The following WWP2 variants were observed in gnomAD, a reference collection of about 807,000 sequenced individuals.
WWP2 encodes the protein NEDD4-like E3 ubiquitin-protein ligase WWP2.
In WWP2, 57 loss-of-function variants were observed where a neutral mutation model predicts 121.0. The observed-to-expected ratio is 0.47, with a 90% confidence interval of 0.38 to 0.59. The LOEUF (loss-of-function observed/expected upper bound fraction) is 0.59, where lower values mean the gene tolerates loss of function less well. Ranked by LOEUF, WWP2 falls within the 20% of genes least tolerant of loss-of-function variation. WWP2 has a pLI of 0.00. For missense variants in WWP2, 962 were observed against 1,158.9 expected (o/e 0.83, Z 2.47); for synonymous variants, 449 against 441.3 (o/e 1.02, Z -0.22).
chr16:69,882,226 G>A (rs916321789), intron 7 of WWP2, among the ~76,000 whole-genome samples: 2 of 152,222 alleles, frequency 1.3e-5, no homozygotes, highest in Non-Finnish European at 2.9e-5. Context: ...AAAGTGCTGG[G>A]ATTATAGGTG....
intron 4 of WWP2, among the ~76,000 whole-genome samples, chr16:69,811,542 G>A (rs1387437884): frequency 6.6e-6 from 1 of 151,788 alleles, no homozygotes; most frequent in South Asian, 2.1e-4. Context: ...GAGCCTAGGA[G>A]TTTGAGACCA....
intron 6 of WWP2, among the ~76,000 whole-genome samples, chr16:69,867,521 G>A (rs935696482): frequency 6.6e-6 from 1 of 152,150 alleles, no homozygotes; most frequent in Admixed American, 6.5e-5. Flanking sequence ...GTGTAGCTGA[G>A]GATGGAGGCC....
intron 6 of WWP2, among the ~76,000 whole-genome samples, chr16:69,843,074 G>A (rs186421070): frequency 1.7e-3 from 264 of 152,216 alleles, no homozygotes; most frequent in African/African-American, 6.1e-3. Context: ...TTGGATAAAA[G>A]GAACTGTTGA....
chr16:69,773,250 C>T (rs1597641311), intron 1 of WWP2, among the ~76,000 whole-genome samples: 1 of 151,996 alleles, frequency 6.6e-6, no homozygotes, highest in East Asian at 1.9e-4. Flanking sequence ...ACAATCTTGG[C>T]TCACTGCAAC....
chr16:69,815,030 C>T (rs574330774), intron 4 of WWP2, among the ~76,000 whole-genome samples: 3 of 152,086 alleles, frequency 2.0e-5, no homozygotes, highest in Admixed American at 6.6e-5. Flanking sequence ...GATGGAGTCT[C>T]ACTCCTCTGT....
At chr16:69,842,251 A>G in intron 6 of WWP2, 131 bp downstream of exon 6, 1 of 840,384 alleles carries the variant, frequency 1.2e-6, no homozygotes, top group Non-Finnish European at 1.9e-6. Flanking sequence ...TAACTGACTC[A>G]GTAGTTAAGA....
intron 7 of WWP2, among the ~76,000 whole-genome samples, chr16:69,876,364 T>C (rs1002400635): frequency 6.6e-6 from 1 of 151,760 alleles, no homozygotes. Flanking sequence ...GTTTTTTTTT[T>C]TTTTCGTTTT....
intron 10 of WWP2, among the ~76,000 whole-genome samples, chr16:69,922,077 CAA>C (rs530518146): frequency 6.1e-4 from 59 of 96,558 alleles, no homozygotes; most frequent in African/African-American, 9.7e-4. Context: ...GACTCCATCT[CAA>C]AAAAAAAAAA....
At chr16:69,821,509 T>G (rs2056592246) in intron 4 of WWP2, among the ~76,000 whole-genome samples, 1 of 152,206 alleles carries the variant, frequency 6.6e-6, no homozygotes, top group South Asian at 2.1e-4. Context: ...TGGTCCAGGC[T>G]GCTGCCTCCA....
intron 6 of WWP2, among the ~76,000 whole-genome samples, chr16:69,848,712 A>G (rs1000100617): frequency 6.7e-6 from 1 of 149,698 alleles, no homozygotes; most frequent in African/African-American, 2.4e-5. Flanking sequence ...TTATGTGTAT[A>G]TGTATTTAAG....
intron 4 of WWP2, among the ~76,000 whole-genome samples, chr16:69,821,717 TTTC>T (rs1197763440): frequency 6.8e-6 from 1 of 147,190 alleles, no homozygotes; most frequent in Non-Finnish European, 1.5e-5. Flanking sequence ...CTTTCTTTTC[TTTC>T]TTACTTTTTT....
In WWP2 at chr16:69,940,138, G is replaced by A; in HGVS notation, c.*198G>A. On this transcript the variant is annotated 3_prime_UTR_variant, in exon 24 of 24. Transcript: ENST00000359154. Reference sequence around the variant, plus strand: ...TCCCCCGACCCGCGGATGGCAGTCTGGAATAAAGCCCCCTAGTTGCCTTTG... The same window carrying A: ...TCCCCCGACCCGCGGATGGCAGTCTAGAATAAAGCCCCCTAGTTGCCTTTG... 1 of 587,936 alleles carries A rather than the reference G, an allele frequency of 1.7e-6. No individual in the cohort carries two copies. Among genetic ancestry groups the A allele is most frequent in the South Asian group, 2.1e-5 (1 of 46,924 alleles). The allele number at this position is 587,936 out of a possible 1,614,324, so 36.4% of individuals were successfully genotyped here.
At chr16:69,772,618 T>C (rs2055441314) in intron 1 of WWP2, among the ~76,000 whole-genome samples, 1 of 152,202 alleles carries the variant, frequency 6.6e-6, no homozygotes, top group African/African-American at 2.4e-5. Context: ...GTTTTAATTA[T>C]ATGCAAGTTA....
intron 10 of WWP2, among the ~76,000 whole-genome samples, chr16:69,922,091 A>T (rs1450579117): frequency 1.3e-5 from 2 of 151,958 alleles, no homozygotes; most frequent in African/African-American, 4.8e-5. Flanking sequence ...AAAAAAAAAA[A>T]AAAGGTAAAA....
intron 4 of WWP2, among the ~76,000 whole-genome samples, chr16:69,823,769 A>G (rs898009447): frequency 6.6e-6 from 1 of 152,222 alleles, no homozygotes; most frequent in Non-Finnish European, 1.5e-5. Context: ...TGCCCAGCCA[A>G]AAATTTTTGT....
rs111778979 is a variant in WWP2 at position 69,894,193 on chromosome 16, G to A, written c.914+5944G>A. Among the ~76,000 whole-genome samples, 523 of 151,270 alleles carry A rather than the reference G, an allele frequency of 3.5e-3. 7 individuals carry two copies. The highest frequency in any genetic ancestry group is 0.012 in the African/African-American group (481 of 41,228). ...AAGGCTCAAGTAATACTCCTGCCTC[G>A]GCCTCCCGAGTAGCTGGGACTACAG... is the stretch of plus-strand genomic sequence containing the variant. On this transcript the variant is annotated intron_variant, in intron 8 of 23. Coordinates refer to ENST00000359154, the MANE Select transcript of WWP2 (RefSeq NM_001270454.2).
intron 5 of WWP2, among the ~76,000 whole-genome samples, chr16:69,840,744 GTT>G (rs1227816120): frequency 1.3e-5 from 2 of 152,188 alleles, no homozygotes; most frequent in Non-Finnish European, 2.9e-5. Context: ...TTGGTAGTTT[GTT>G]TCTTTTGATC....
chr16:69,778,568 C>T (rs1254028675), intron 1 of WWP2, among the ~76,000 whole-genome samples: 1 of 152,032 alleles, frequency 6.6e-6, no homozygotes, highest in African/African-American at 2.4e-5. Context: ...CATTAGGAAC[C>T]TTGTCTAAGA....
At chr16:69,764,014 C>CA (rs2151761074) in intron 1 of WWP2, among the ~76,000 whole-genome samples, 1 of 152,194 alleles carries the variant, frequency 6.6e-6, no homozygotes, top group African/African-American at 2.4e-5. Context: ...GAGCGTATAC[C>CA]AACATCTCAC....
Sources: allele counts gnomAD v4.1 joint callset (sites outside exome capture counted in the v4.1 genomes callset), GRCh38; gene constraint gnomAD v4.1.1; transcripts MANE v1.5; gene names NCBI Gene and HGNC (gene_info 2026-07-23, HGNC 2026-07-21).